CUL5: variants seen among roughly 807,000 people sequenced by gnomAD.
The protein encoded by CUL5 is cullin 5.
Under a neutral mutation model 108.8 loss-of-function variants are expected in CUL5, and 26 were observed. The ratio of observed to expected loss-of-function variants is 0.24; its 90% CI spans 0.18 to 0.33. The LOEUF (loss-of-function observed/expected upper bound fraction) is 0.33. Ranked by LOEUF, CUL5 falls within the 10% of genes least tolerant of loss-of-function variation. The probability of loss-of-function intolerance (pLI) is 1.00; values close to 1 mark genes in which losing one functional copy is unlikely to be tolerated. For synonymous variants in CUL5, 334 were observed against 298.0 expected (o/e 1.12, Z -1.25); for missense variants, 524 against 909.2 (o/e 0.58, Z 5.45).
intron 1 of CUL5, among the ~76,000 whole-genome samples, chr11:108,022,565 T>C (rs569278274): frequency 3.3e-5 from 5 of 152,210 alleles, no homozygotes; most frequent in Non-Finnish European, 5.9e-5. Context: ...TAACATCTTA[T>C]ATTTCTGGCT....
chr11:108,079,197 G>A (rs900472947), intron 11 of CUL5, among the ~76,000 whole-genome samples: 4 of 152,216 alleles, frequency 2.6e-5, no homozygotes, highest in East Asian at 1.9e-4. Flanking sequence ...TTTACCTCCC[G>A]GATTCAAGCA....
At chr11:108,070,515 A>G (rs1260772924) in intron 8 of CUL5, among the ~76,000 whole-genome samples, 1 of 152,176 alleles carries the variant, frequency 6.6e-6, no homozygotes. Flanking sequence ...AGAACCAGGT[A>G]TTTGACTTTT....
chr11:108,054,763 CA>C lies in CUL5; in HGVS notation c.674del (p.Asn225MetfsTer7). ...AACACAAGCACCCTCGTATTTACAACAAAATGGTGTACAGAATTATATGAAA... is the reference window on the plus strand; with the variant it reads ...AACACAAGCACCCTCGTATTTACAACAAATGGTGTACAGAATTATATGAAA... ...YRTQAPSYLQ[Q>X]NGVQNYMKYA... On this transcript the variant is annotated frameshift_variant, in exon 6 of 19. Coordinates refer to ENST00000393094, the MANE Select transcript of CUL5 (RefSeq NM_003478.6). LOFTEE classifies it high-confidence loss of function. The C allele has an allele frequency of 6.2e-7, 1 of 1,610,688 alleles. No individual in the cohort carries two copies. The highest frequency in any genetic ancestry group is 8.5e-7 in the Non-Finnish European group (1 of 1,178,106).
chr11:108,081,917 T>C (rs114478753), intron 11 of CUL5, among the ~76,000 whole-genome samples: 1 of 152,354 alleles, frequency 6.6e-6, no homozygotes, highest in African/African-American at 2.4e-5. Context: ...AAGTTGGTTC[T>C]TTTTCAAGAT....
At chr11:108,028,629 G>A (rs954932262) in intron 1 of CUL5, among the ~76,000 whole-genome samples, 23 of 152,100 alleles carry the variant, frequency 1.5e-4, no homozygotes, top group Non-Finnish European at 2.2e-4. Flanking sequence ...ACAAGGTCAC[G>A]AGTTAGAGAC....
At chr11:108,080,940 A>G (rs1442668018) in intron 11 of CUL5, among the ~76,000 whole-genome samples, 6 of 150,324 alleles carry the variant, frequency 4.0e-5, no homozygotes, top group African/African-American at 7.4e-5. Flanking sequence ...TATTTAGATC[A>G]TGAAGATTTA....
chr11:108,094,275 A>G, intron 13 of CUL5, 116 bp from the exon 14 acceptor site: 1 of 777,158 alleles, frequency 1.3e-6, no homozygotes, highest in Non-Finnish European at 2.0e-6. Flanking sequence ...ATTCTAATAA[A>G]TGAGAAAAAT....
chr11:108,039,839 T>C (rs1862847423), intron 2 of CUL5, among the ~76,000 whole-genome samples: 2 of 152,214 alleles, frequency 1.3e-5, no homozygotes, highest in African/African-American at 4.8e-5. Context: ...CTGATGTTAT[T>C]GTTTCTTCAT....
chr11:108,066,157 G>A (rs7948421), intron 7 of CUL5, among the ~76,000 whole-genome samples: 3,102 of 152,082 alleles, frequency 0.02, 112 homozygotes, highest in African/African-American at 0.07. Context: ...TGGCTAACAC[G>A]GTGAAACCCT....
chr11:108,084,659 C>CTT (rs753384163), intron 11 of CUL5, among the ~76,000 whole-genome samples: 3 of 152,160 alleles, frequency 2.0e-5, no homozygotes, highest in Non-Finnish European at 1.5e-5. Flanking sequence ...AAATTAATGA[C>CTT]TTAACTAAAA....
chr11:108,075,631 G>A (rs1863923129), intron 10 of CUL5, among the ~76,000 whole-genome samples: 2 of 152,144 alleles, frequency 1.3e-5, no homozygotes, highest in Admixed American at 6.5e-5. Context: ...GAACTCCTGG[G>A]CTCAAGCAAT....
chr11:108,102,165 G>A (rs1010536175), intron 18 of CUL5, among the ~76,000 whole-genome samples: 3 of 152,046 alleles, frequency 2.0e-5, no homozygotes, highest in Non-Finnish European at 4.4e-5. Flanking sequence ...GGGATTAGAG[G>A]TGCTCGCCAC....
At chr11:108,062,643 C>T (rs1052016932) in intron 7 of CUL5, among the ~76,000 whole-genome samples, 6 of 151,546 alleles carry the variant, frequency 4.0e-5, no homozygotes, top group Non-Finnish European at 8.8e-5. Flanking sequence ...TTACATGAGA[C>T]ATTTTGATAC....
intron 7 of CUL5, among the ~76,000 whole-genome samples, chr11:108,058,082 A>C (rs1312965894): frequency 6.7e-6 from 1 of 148,198 alleles, no homozygotes; most frequent in African/African-American, 2.5e-5. Context: ...GGTGGCGTGC[A>C]CCTGTAATCC....
intron 1 of CUL5, among the ~76,000 whole-genome samples, chr11:108,021,742 G>A (rs185233534): frequency 1.3e-5 from 2 of 151,882 alleles, no homozygotes; most frequent in Admixed American, 6.6e-5. Flanking sequence ...TTTCAAACTC[G>A]TGGCCTCAAG....
chr11:108,025,943 G>GT (rs898669367), intron 1 of CUL5, among the ~76,000 whole-genome samples: 1 of 152,104 alleles, frequency 6.6e-6, no homozygotes, highest in African/African-American at 2.4e-5. Flanking sequence ...CACCTCATTT[G>GT]TTTTTCTTTT....
intron 2 of CUL5, among the ~76,000 whole-genome samples, chr11:108,045,192 T>C (rs1863036268): frequency 1.3e-5 from 2 of 152,382 alleles, no homozygotes; most frequent in African/African-American, 2.4e-5. Context: ...TATCAATTTA[T>C]GATAGCTTTT....
intron 2 of CUL5, among the ~76,000 whole-genome samples, chr11:108,038,920 A>G (rs1216945441): frequency 2.0e-5 from 3 of 151,488 alleles, no homozygotes; most frequent in African/African-American, 4.9e-5. Context: ...CTCCTAATCT[A>G]TATTCTTTCT....
chr11:108,035,056 G>T (rs1301678747), intron 2 of CUL5, among the ~76,000 whole-genome samples: 1 of 152,120 alleles, frequency 6.6e-6, no homozygotes, highest in Non-Finnish European at 1.5e-5. Context: ...TGTACCAGGA[G>T]GGGTGACAGG....
Sources: allele counts gnomAD v4.1 joint callset (sites outside exome capture counted in the v4.1 genomes callset), GRCh38; gene constraint gnomAD v4.1.1; transcripts MANE v1.5; gene names NCBI Gene and HGNC (gene_info 2026-07-23, HGNC 2026-07-21).